The following MDN1 variants were observed in gnomAD, a reference collection of about 807,000 sequenced individuals.
The protein encoded by MDN1 is midasin.
MDN1 carries 266 observed loss-of-function variants against 669.2 expected under a neutral mutation model. The ratio of observed to expected loss-of-function variants is 0.40; its 90% CI spans 0.36 to 0.44. MDN1 has a LOEUF of 0.44. Among genes scored for constraint, MDN1 ranks in the 20% least tolerant of loss-of-function variants. The pLI, the probability that MDN1 is intolerant of heterozygous loss-of-function variation, is 1.00. For synonymous variants in MDN1, 2,385 were observed against 2,457.1 expected (o/e 0.97, Z 0.87); for missense variants, 5,940 against 6,754.0 (o/e 0.88, Z 4.22).
At chr6:89,690,349 G>A (rs1284317374) in intron 64 of MDN1, among the ~76,000 whole-genome samples, 1 of 152,048 alleles carries the variant, frequency 6.6e-6, no homozygotes, top group African/African-American at 2.4e-5. Context: ...GAGGAGGGAG[G>A]ATCACTTGAG....
chr6:89,778,845 C>T (rs1315576402), intron 11 of MDN1, among the ~76,000 whole-genome samples: 1 of 150,610 alleles, frequency 6.6e-6, no homozygotes, highest in African/African-American at 2.4e-5. Context: ...GAGATCACGC[C>T]ACTGCACTCC....
In MDN1 at chr6:89,803,413, C is replaced by CTTTA; in HGVS notation, c.240_243dup (p.Ala82Ter). On this transcript the variant is annotated stop_gained and frameshift_variant, in exon 2 of 102. Coordinates refer to ENST00000369393, the MANE Select transcript of MDN1 (RefSeq NM_014611.3). ...AGATCATGGTTGATTTGGCCTCCAG[C>CTTTA]TTTAATGGCTTCGGCATTCCTTTCC... is the stretch of plus-strand genomic sequence containing the variant. The CTTTA allele has an allele frequency of 6.2e-7, 1 of 1,614,130 alleles. No individual in the cohort carries two copies. The highest frequency in any genetic ancestry group is 8.5e-7 in the Non-Finnish European group (1 of 1,180,028).
At chr6:89,809,215 C>CAA (rs1167270500) in intron 1 of MDN1, among the ~76,000 whole-genome samples, 541 of 58,694 alleles carry the variant, frequency 9.2e-3, no homozygotes, top group African/African-American at 0.012. Context: ...GACACTGTCT[C>CAA]AAAAAAAAAA....
At position 89,688,590 on chromosome 6, in the gene MDN1, G is replaced by A; in HGVS notation, c.11242C>T (p.His3748Tyr). 1.9e-6 allele frequency: 3 copies of A among 1,614,066 alleles called. No individual in the cohort carries two copies. The highest frequency in any genetic ancestry group is 1.1e-5 in the South Asian group (1 of 91,068). Residue 3748 changes from histidine (H) to tyrosine (Y), a missense_variant, in exon 66 of 102, where the codon CAC (histidine) becomes TAC (tyrosine). By Grantham distance (83) the His-to-Tyr change is moderately conservative. Around this residue, in one of 5 missense-constraint regions of MDN1, gnomAD observed 2,280 missense variants for 2,576.3 expected, o/e 0.88. Transcript: ENST00000369393. The stretch of plus-strand genomic sequence containing the variant: ...TGCCCTACCTGTTCAAGCGCTGGGT[G>A]TTCTGGCCAGTCCTGTAGCAAGTGA... Reference protein sequence around the residue: ...VSHLLQDWPEHPALEQLLVVM... With the variant: ...VSHLLQDWPEYPALEQLLVVM...
intron 10 of MDN1, 175 bp downstream of exon 10, chr6:89,781,224 T>C (rs1465263528): frequency 1.6e-6 from 1 of 637,504 alleles, no homozygotes; most frequent in Non-Finnish European, 2.7e-6. Context: ...TGAAGCAACC[T>C]ATAATTTCAA....
At chr6:89,716,121 G>T (rs1476977780) in intron 44 of MDN1, among the ~76,000 whole-genome samples, 1 of 152,114 alleles carries the variant, frequency 6.6e-6, no homozygotes, top group Non-Finnish European at 1.5e-5. Flanking sequence ...ATTTCAATTT[G>T]TAACATTCAG....
intron 91 of MDN1, among the ~76,000 whole-genome samples, chr6:89,656,361 T>G (rs961485453): frequency 6.6e-6 from 1 of 151,200 alleles, no homozygotes; most frequent in Non-Finnish European, 1.5e-5. Flanking sequence ...ATACCCTACT[T>G]AAAAAAAAAC....
chr6:89,718,908 C>A lies in MDN1; in HGVS notation c.6180G>T (p.Trp2060Cys), dbSNP rs1814616309. The change falls in exon 42 of 102, where the codon TGG (tryptophan) becomes TGT (cysteine). Residue 2060 changes from tryptophan to cysteine, a missense_variant. Around this residue, in one of 5 missense-constraint regions of MDN1, gnomAD observed 2,292 missense variants for 2,638.3 expected, o/e 0.87. Coordinates refer to ENST00000369393, the MANE Select transcript of MDN1 (RefSeq NM_014611.3). ...AGGCTGGCCCGACCAGGATGACCATCCAGCTCATCTGCACACACTTCATGA... is the reference window on the plus strand; with the variant it reads ...AGGCTGGCCCGACCAGGATGACCATACAGCTCATCTGCACACACTTCATGA... ...ESIMKCVQMS[W>C]MVILVGPASV... 3 of 1,614,152 alleles carry A rather than the reference C, an allele frequency of 1.9e-6. No homozygotes were observed. The highest frequency in any genetic ancestry group is 2.5e-6 in the Non-Finnish European group (3 of 1,180,036).
chr6:89,697,639 T>TGGCACGATCTTGGCTCACTGCAAC (rs1812858142), intron 59 of MDN1, among the ~76,000 whole-genome samples: 1 of 151,628 alleles, frequency 6.6e-6, no homozygotes, highest in Non-Finnish European at 1.5e-5. Context: ...TGGAGTGCAA[T>TGGCACGATCTTGGCTCACTGCAAC]GGCACGATCT....
intron 33 of MDN1, among the ~76,000 whole-genome samples, chr6:89,734,963 T>C (rs1316524113): frequency 6.6e-6 from 1 of 151,810 alleles, no homozygotes; most frequent in African/African-American, 2.4e-5. Flanking sequence ...TGATCTTGGC[T>C]CACGGCAACC....
chr6:89,656,483 C>T (rs924244028), intron 91 of MDN1, among the ~76,000 whole-genome samples: 3 of 151,992 alleles, frequency 2.0e-5, no homozygotes, highest in Non-Finnish European at 4.4e-5. Context: ...AATCAGGGGT[C>T]GGGGAGAGAC....
chr6:89,708,276 C>T (rs992594406), intron 51 of MDN1, among the ~76,000 whole-genome samples: 3 of 152,104 alleles, frequency 2.0e-5, no homozygotes, highest in African/African-American at 7.2e-5. Context: ...GCACTCCAGC[C>T]TCAGTGACAG....
At position 89,819,672 on chromosome 6, in the gene MDN1, C is replaced by T. The variant is rs1769128789; in HGVS notation, c.-65G>A. 5.1e-6 allele frequency: 7 copies of T among 1,382,830 alleles called. No individual in the cohort carries two copies. Among genetic ancestry groups the T allele is most frequent in the Non-Finnish European group, 7.1e-6 (7 of 984,882 alleles). 85.7% of individuals were successfully genotyped at this position (1,382,830 alleles called of 1,614,324 possible). ...TACTTCGCGGCCAGCGTCCCCAAGCCGCCGAGGTCCCAGTGCCCGAGCAGC... is the reference window on the plus strand; with the variant it reads ...TACTTCGCGGCCAGCGTCCCCAAGCTGCCGAGGTCCCAGTGCCCGAGCAGC... On this transcript the variant is annotated 5_prime_UTR_variant, in exon 1 of 102. Coordinates refer to ENST00000369393, the MANE Select transcript of MDN1 (RefSeq NM_014611.3).
At chr6:89,795,695 C>G (rs575994110) in intron 2 of MDN1, among the ~76,000 whole-genome samples, 1 of 151,620 alleles carries the variant, frequency 6.6e-6, no homozygotes, top group Non-Finnish European at 1.5e-5. Context: ...GGCTCACACC[C>G]GTAATCCCAG....
chr6:89,726,904 C>G (rs1815272648), intron 37 of MDN1, among the ~76,000 whole-genome samples: 1 of 152,150 alleles, frequency 6.6e-6, no homozygotes, highest in African/African-American at 2.4e-5. Flanking sequence ...TGTATATTCC[C>G]AAACAGAAGG....
At position 89,747,429 on chromosome 6, in the gene MDN1, GCCC is replaced by G; in HGVS notation, c.3801_3803del (p.Gln1267_Gly1268delinsHis). The G allele has an allele frequency of 6.2e-7, 1 of 1,614,080 alleles. No individual in the cohort carries two copies. Among genetic ancestry groups the G allele is most frequent in the Non-Finnish European group, 8.5e-7 (1 of 1,179,992 alleles). On this transcript the variant is annotated inframe_deletion, in exon 27 of 102. Coordinates refer to ENST00000369393, the MANE Select transcript of MDN1 (RefSeq NM_014611.3). ...GGAACAGATCACGAAGGGTGATGAA[GCCC>G]TGCTTTCCAGCAAACACTGAAGAAC...
chr6:89,772,706 G>A lies in MDN1; in HGVS notation c.1950C>T (p.Phe650=), dbSNP rs747347141. ...AVHLQREKFT[F]AATRPSSVLI... is the part of the protein sequence containing the mutation. ...GAACAGAGGACGGCCGTGTAGCAGC[G>A]AAAGTGAACTTCTCCCTGGGAAGGA... The change falls in exon 14 of 102, where the codon TTC becomes TTT. Residue 650 remains phenylalanine (F), a synonymous_variant. Transcript: ENST00000369393. 2.4e-5 allele frequency: 38 copies of A among 1,613,512 alleles called. No homozygotes were observed. The highest frequency in any genetic ancestry group is 1.7e-4 in the Middle Eastern group (1 of 5,990).
At chr6:89,732,802 T>C (rs1370267817) in intron 33 of MDN1, 27 bp from the exon 34 acceptor site, 1 of 1,607,156 alleles carries the variant, frequency 6.2e-7, no homozygotes, top group Non-Finnish European at 8.5e-7. Context: ...AAAAAAGCAT[T>C]TGCTGTTAAC....
At chr6:89,819,227 A>C (rs1032802233) in intron 1 of MDN1, among the ~76,000 whole-genome samples, 1 of 152,108 alleles carries the variant, frequency 6.6e-6, no homozygotes, top group African/African-American at 2.4e-5. Flanking sequence ...TGGGAAGGCC[A>C]CCTCTGCCAC....
Sources: gnomAD v4.1 joint callset for allele counts (sites outside exome capture counted in the v4.1 genomes callset) on GRCh38, gnomAD v4.1.1 for gene constraint, gnomAD v4.1.1 regional missense constraint, MANE v1.5 for transcripts, NCBI Gene and HGNC (gene_info 2026-07-23, HGNC 2026-07-21) for gene names.